The following ALDH1A2 variants were observed in gnomAD, a reference collection of about 807,000 sequenced individuals.
ALDH1A2 encodes aldehyde dehydrogenase 1 family member A2, also known as retinal dehydrogenase 2.
Under a neutral mutation model 60.3 loss-of-function variants are expected in ALDH1A2, and 27 were observed. That is an observed-to-expected ratio of 0.45 (90% CI 0.33 to 0.62). The LOEUF is 0.62. ALDH1A2 is among the 20% of genes least tolerant of loss of function. The pLI is 0.02. For missense variants in ALDH1A2, 581 were observed against 643.8 expected (o/e 0.90, Z 1.06); for synonymous variants, 289 against 232.4 (o/e 1.24, Z -2.21).
intron 1 of ALDH1A2, among the ~76,000 whole-genome samples, chr15:58,044,180 T>C (rs1221972046): frequency 6.6e-6 from 1 of 151,982 alleles, no homozygotes; most frequent in Non-Finnish European, 1.5e-5. Context: ...GGGATACATG[T>C]ATAGAATGTG....
chr15:58,040,419 C>A (rs1158638368), intron 1 of ALDH1A2, among the ~76,000 whole-genome samples: 2 of 151,920 alleles, frequency 1.3e-5, no homozygotes, highest in Admixed American at 6.6e-5. Flanking sequence ...ATGGATAACA[C>A]ACATTCAGTA....
chr15:57,980,039 G>A (rs1330560823), intron 7 of ALDH1A2: 8 of 318,804 alleles, frequency 2.5e-5, no homozygotes, highest in Non-Finnish European at 3.9e-5. Flanking sequence ...ATGATCGAGT[G>A]GTCCATGGGG....
chr15:58,044,675 A>G (rs185264384), intron 1 of ALDH1A2, among the ~76,000 whole-genome samples: 2 of 152,182 alleles, frequency 1.3e-5, no homozygotes, highest in Admixed American at 6.6e-5. Flanking sequence ...CAACCAGACT[A>G]TTACAATCCT....
intron 1 of ALDH1A2, among the ~76,000 whole-genome samples, chr15:58,024,000 G>A (rs1452637321): frequency 6.6e-6 from 1 of 152,204 alleles, no homozygotes; most frequent in Non-Finnish European, 1.5e-5. Flanking sequence ...GGCTGAGGCA[G>A]GAGAATCGCT....
Position 58,020,420 on chromosome 15 carries a change from C to T in ALDH1A2, c.118-6139G>A, listed in dbSNP as rs527622325. ...ATGGTCAGAAATACAGTACCTCCCA[C>T]ACCAAGAACAAATCTGAAACACACT... On this transcript the variant is annotated intron_variant, in intron 1 of 12. Coordinates refer to ENST00000249750, the MANE Select transcript of ALDH1A2 (RefSeq NM_003888.4). Among the ~76,000 whole-genome samples the T allele has an allele frequency of 3.3e-5, 5 of 152,282 alleles. No individual in the cohort carries two copies. The South Asian group carries it at 6.2e-4, about 19-fold the overall frequency.
intron 1 of ALDH1A2, among the ~76,000 whole-genome samples, chr15:58,032,517 C>T (rs986589689): frequency 1.3e-5 from 2 of 151,700 alleles, no homozygotes; most frequent in Non-Finnish European, 2.9e-5. Context: ...TTAAAAAAGA[C>T]AAAAATAACA....
At chr15:58,040,309 C>T (rs1896485197) in intron 1 of ALDH1A2, among the ~76,000 whole-genome samples, 1 of 151,844 alleles carries the variant, frequency 6.6e-6, no homozygotes, top group East Asian at 1.9e-4. Flanking sequence ...AAGAGCTGTG[C>T]TAATAGAACA....
intron 7 of ALDH1A2, among the ~76,000 whole-genome samples, chr15:57,974,432 C>CAAAAAAAAAAAA (rs61170362): frequency 1.0e-5 from 1 of 96,716 alleles, no homozygotes; most frequent in African/African-American, 4.5e-5. Flanking sequence ...GACTCCATCT[C>CAAAAAAAAAAAA]AAAAAAAAAA....
At chr15:58,046,263 A>T (rs1896637068) in intron 1 of ALDH1A2, among the ~76,000 whole-genome samples, 1 of 152,054 alleles carries the variant, frequency 6.6e-6, no homozygotes, top group Non-Finnish European at 1.5e-5. Flanking sequence ...TTGAAAGCCA[A>T]TTAAAAGTGA....
intron 12 of ALDH1A2, among the ~76,000 whole-genome samples, chr15:57,958,214 G>GCGCATAGA (rs67551670): frequency 1.3e-5 from 2 of 151,700 alleles, no homozygotes; most frequent in African/African-American, 4.8e-5. Flanking sequence ...GTACACGCAC[G>GCGCATAGA]CACACACACA....
intron 1 of ALDH1A2, among the ~76,000 whole-genome samples, chr15:58,031,756 G>T (rs1896246765): frequency 6.6e-6 from 1 of 152,278 alleles, no homozygotes; most frequent in African/African-American, 2.4e-5. Flanking sequence ...CTGAAAAAAT[G>T]CTCATCACCA....
chr15:57,987,125 G>T (rs1172967819), intron 7 of ALDH1A2, among the ~76,000 whole-genome samples: 9 of 152,000 alleles, frequency 5.9e-5, no homozygotes, highest in Non-Finnish European at 8.8e-5. Flanking sequence ...AGATGACAAT[G>T]AAAGTTACCT....
At position 58,058,167 on chromosome 15, in the gene ALDH1A2, C is replaced by G. The variant is rs1199146998; in HGVS notation, c.117+7367G>C. 11 of 1,194,544 alleles carry G rather than the reference C, an allele frequency of 9.2e-6. No individual in the cohort carries two copies. In the African/African-American group the frequency reaches 1.5e-4, roughly 16 times the overall value. The allele number at this position is 1,194,544 out of a possible 1,614,324, so 74.0% of individuals were successfully genotyped here. The stretch of plus-strand genomic sequence containing the variant: ...AATTCATACAGGCATTTCATAATTT[C>G]ACCTTCCCAGGCAAAGCCTTCCCCT... On this transcript the variant is annotated intron_variant, in intron 1 of 12. Coordinates refer to ENST00000249750, the MANE Select transcript of ALDH1A2 (RefSeq NM_003888.4).
chr15:57,987,171 A>G (rs1217543263), intron 7 of ALDH1A2, among the ~76,000 whole-genome samples: 6 of 152,146 alleles, frequency 3.9e-5, no homozygotes, highest in Admixed American at 2.0e-4. Flanking sequence ...GCTGGAAATA[A>G]AAGAGTCCCA....
intron 1 of ALDH1A2, among the ~76,000 whole-genome samples, chr15:58,019,244 G>A (rs1041400904): frequency 2.6e-5 from 4 of 151,542 alleles, no homozygotes; most frequent in African/African-American, 7.3e-5. Context: ...ACGAAGAAAC[G>A]AGGATTCAAC....
At position 57,955,033 on chromosome 15, in the gene ALDH1A2, T is replaced by A. The variant is rs1893471072; in HGVS notation, c.*164A>T. ...AGAGTGCCAAGAAACTGTACCCAGC[T>A]GGTTTGCTTTAGTTGTGCAGTGACC... On this transcript the variant is annotated 3_prime_UTR_variant, in exon 13 of 13. Transcript: ENST00000249750. 9.1e-6 allele frequency: 7 copies of A among 772,212 alleles called. No homozygotes were observed. The highest frequency in any genetic ancestry group is 5.7e-5 in the Admixed American group (3 of 52,816). The allele number at this position is 772,212 out of a possible 1,614,324, so 47.8% of individuals were successfully genotyped here. A position where few individuals can be genotyped will look rare whatever the true frequency, so the allele number is the denominator to read the frequency against.
chr15:57,956,103 T>C (rs1376893237), intron 12 of ALDH1A2, among the ~76,000 whole-genome samples: 4 of 152,092 alleles, frequency 2.6e-5, no homozygotes, highest in Non-Finnish European at 5.9e-5. Flanking sequence ...TCTTCCCTAC[T>C]GAGTTGTATC....
At chr15:58,058,720 C>T (rs1436579308) in intron 1 of ALDH1A2, among the ~76,000 whole-genome samples, 2 of 152,250 alleles carry the variant, frequency 1.3e-5, no homozygotes, top group East Asian at 1.9e-4. Context: ...TAAAGAAATA[C>T]TACTTTGGCT....
chr15:58,034,382 G>A (rs1050454239), intron 1 of ALDH1A2, among the ~76,000 whole-genome samples: 1 of 151,508 alleles, frequency 6.6e-6, no homozygotes, highest in African/African-American at 2.4e-5. Flanking sequence ...GAGGGGGATT[G>A]ATTCTTAAGG....
Sources: gnomAD v4.1 joint callset for allele counts (sites outside exome capture counted in the v4.1 genomes callset) on GRCh38, gnomAD v4.1.1 for gene constraint, MANE v1.5 for transcripts, NCBI Gene and HGNC (gene_info 2026-07-23, HGNC 2026-07-21) for gene names.